Variants in STAT5B observed in about 807,000 individuals in gnomAD.
STAT5B encodes the protein signal transducer and activator of transcription 5B, also known as transcription factor STAT5B.
In STAT5B, 21 loss-of-function variants were observed where a neutral mutation model predicts 107.8. The ratio of observed to expected loss-of-function variants is 0.19; its 90% CI spans 0.14 to 0.28. The LOEUF is 0.28. Among genes scored for constraint, STAT5B ranks in the 10% least tolerant of loss-of-function variants. The pLI, the probability that STAT5B is intolerant of heterozygous loss-of-function variation, is 1.00. For missense variants in STAT5B, 565 were observed against 1,008.2 expected (o/e 0.56, Z 5.95); for synonymous variants, 325 against 401.7 (o/e 0.81, Z 2.28).
upstream of STAT5B, among the ~76,000 whole-genome samples, chr17:42,278,247 T>C (rs2080779950): frequency 2.0e-5 from 3 of 152,230 alleles, no homozygotes; most frequent in Admixed American, 1.3e-4. Flanking sequence ...TTTCATGTTT[T>C]CATGTTTCTG....
chr17:42,246,856 T>C (rs1035410703), intron 1 of STAT5B, among the ~76,000 whole-genome samples: 4 of 152,210 alleles, frequency 2.6e-5, no homozygotes, highest in East Asian at 3.8e-4. Flanking sequence ...GTGAAGGCCG[T>C]TGACAGTTCA....
chr17:42,242,502 G>A (rs931695584), intron 1 of STAT5B, among the ~76,000 whole-genome samples: 3 of 152,136 alleles, frequency 2.0e-5, no homozygotes, highest in East Asian at 1.9e-4. Context: ...CTGACATTAT[G>A]TGCCTCCAGA....
chr17:42,211,254 T>C (rs565848009), intron 13 of STAT5B, among the ~76,000 whole-genome samples: 53 of 152,014 alleles, frequency 3.5e-4, no homozygotes, highest in Middle Eastern at 3.4e-3. Context: ...ACGCCTGTAA[T>C]CCCAGCACTT....
intron 1 of STAT5B, chr17:42,274,749 T>C (rs546036401): frequency 6.6e-6 from 1 of 152,296 alleles, no homozygotes; most frequent in South Asian, 2.1e-4. Flanking sequence ...CAATATAACA[T>C]AAGCAAATGG....
chr17:42,284,992 C>T, the STAT5B span, among the ~76,000 whole-genome samples: 6 of 152,026 alleles, frequency 3.9e-5, no homozygotes, highest in African/African-American at 9.7e-5. Flanking sequence ...GTTCAGGATA[C>T]GAATATAGTG....
At chr17:42,202,539 G>C in intron 17 of STAT5B, 92 bp from the exon 18 acceptor site, 2 of 1,499,632 alleles carry the variant, frequency 1.3e-6, no homozygotes, top group Non-Finnish European at 1.8e-6. Flanking sequence ...GTCTTTCTCA[G>C]GGTGTAGAAG....
At chr17:42,223,309 A>G in intron 5 of STAT5B, 73 bp downstream of exon 5, 1 of 1,609,836 alleles carries the variant, frequency 6.2e-7, no homozygotes, top group Admixed American at 1.7e-5. Context: ...CTTTCTCCCA[A>G]CCCCACCAGA....
At chr17:42,208,061 A>G (rs1377626509) in intron 15 of STAT5B, among the ~76,000 whole-genome samples, 4 of 151,936 alleles carry the variant, frequency 2.6e-5, no homozygotes, top group African/African-American at 9.7e-5. Flanking sequence ...CACCTGGCTA[A>G]TTTTGTATTT....
chr17:42,242,302 A>C (rs1198053224), intron 1 of STAT5B, among the ~76,000 whole-genome samples: 1 of 152,218 alleles, frequency 6.6e-6, no homozygotes, highest in African/African-American at 2.4e-5. Flanking sequence ...AAATAAAGAG[A>C]GTAGACTCAG....
At chr17:42,246,816 T>TAATC (rs1157502914) in intron 1 of STAT5B, among the ~76,000 whole-genome samples, 1 of 152,094 alleles carries the variant, frequency 6.6e-6, no homozygotes, top group Non-Finnish European at 1.5e-5. Flanking sequence ...CCCTTACCTC[T>TAATC]AATCACATAC....
At chr17:42,222,120 G>T (rs2080233931) in intron 5 of STAT5B, among the ~76,000 whole-genome samples, 1 of 145,244 alleles carries the variant, frequency 6.9e-6, no homozygotes, top group Non-Finnish European at 1.5e-5. Context: ...TGTGTGCTGT[G>T]GGGGGTGTGT....
At position 42,262,970 on chromosome 17, in the gene STAT5B, GTATATATATATATATATA is replaced by G. The variant is rs869160306; in HGVS notation, c.-11+13260_-11+13277del. ...TGTGTGTGTGTGTGTGTGTGTGTGT[GTATATATATATATATATA>G]TATATATATATATATATATATATAT... On this transcript the variant is annotated intron_variant, in intron 1 of 18. Transcript: ENST00000293328. Among the ~76,000 whole-genome samples the G allele has an allele frequency of 4.1e-3, 86 of 20,946 alleles. 1 individual carries two copies. Among genetic ancestry groups the G allele is most frequent in the South Asian group, 0.038 (18 of 472 alleles). The allele number at this position is 20,946 out of a possible 152,430, so 13.7% of individuals were successfully genotyped here.
At chr17:42,245,404 T>G (rs2144340089) in intron 1 of STAT5B, among the ~76,000 whole-genome samples, 1 of 151,140 alleles carries the variant, frequency 6.6e-6, no homozygotes, top group African/African-American at 2.4e-5. Flanking sequence ...AGGGTTAAAG[T>G]GCAGTGGCAT....
At chr17:42,242,599 A>C (rs1598322628) in intron 1 of STAT5B, among the ~76,000 whole-genome samples, 1 of 132,192 alleles carries the variant, frequency 7.6e-6, no homozygotes, top group African/African-American at 2.7e-5. Context: ...CAATGATCCC[A>C]CCCCCCACCC....
chr17:42,207,926 C>T (rs2080099355), intron 15 of STAT5B, among the ~76,000 whole-genome samples, 198 bp from the exon 16 acceptor site: 1 of 152,172 alleles, frequency 6.6e-6, no homozygotes, highest in Admixed American at 6.5e-5. Context: ...GACGGAGTCT[C>T]ACTCTGTTAC....
intron 5 of STAT5B, among the ~76,000 whole-genome samples, chr17:42,221,494 G>T (rs146086228): frequency 6.6e-6 from 1 of 152,128 alleles, no homozygotes; most frequent in African/African-American, 2.4e-5. Context: ...AAGACACTGC[G>T]TGATAGATCC....
At chr17:42,204,596 A>G (rs765949615) in intron 16 of STAT5B, among the ~76,000 whole-genome samples, 5 of 152,232 alleles carry the variant, frequency 3.3e-5, no homozygotes, top group Non-Finnish European at 5.9e-5. Flanking sequence ...GTTAAAAACA[A>G]AGAAATGCTG....
At chr17:42,251,841 T>C (rs1168643214) in intron 1 of STAT5B, among the ~76,000 whole-genome samples, 1 of 151,318 alleles carries the variant, frequency 6.6e-6, no homozygotes. Flanking sequence ...CTACTAAAAA[T>C]ACAAAAAATT....
chr17:42,202,414 G>C lies in STAT5B; in HGVS notation c.2163C>G (p.Gly721=), dbSNP rs1318773180. 6.2e-7 allele frequency: 1 copy of C among 1,614,120 alleles called. No individual in the cohort carries two copies. The highest frequency in any genetic ancestry group is 8.5e-7 in the Non-Finnish European group (1 of 1,180,038). ...FVNASADAGG[G]SATYMDQAPS... Reference sequence around the variant, plus strand: ...GGGCCTGGTCCATGTACGTGGCGCTGCCGCCCCCGGCATCTGCAGATGCGT... The same window carrying C: ...GGGCCTGGTCCATGTACGTGGCGCTCCCGCCCCCGGCATCTGCAGATGCGT... The change falls in exon 18 of 19, where the codon GGC becomes GGG. Residue 721 remains glycine, a synonymous_variant. Coordinates refer to ENST00000293328, the MANE Select transcript of STAT5B (RefSeq NM_012448.4).
Sources: allele counts gnomAD v4.1 joint callset (sites outside exome capture counted in the v4.1 genomes callset), GRCh38; gene constraint gnomAD v4.1.1; transcripts MANE v1.5; gene names NCBI Gene and HGNC (gene_info 2026-07-23, HGNC 2026-07-21).